Variants in PDE1A observed in about 807,000 individuals in gnomAD.
The protein encoded by PDE1A is phosphodiesterase 1A.
In PDE1A, 35 loss-of-function variants were observed where a neutral mutation model predicts 61.7. That is an observed-to-expected ratio of 0.57 (90% confidence interval 0.43 to 0.75). PDE1A has a LOEUF of 0.75. Ranked by LOEUF, PDE1A falls within the 30% of genes least tolerant of loss-of-function variation. PDE1A has a pLI of 0.00. For missense variants in PDE1A, 597 were observed against 630.6 expected (o/e 0.95, Z 0.57); for synonymous variants, 232 against 213.2 (o/e 1.09, Z -0.77).
the PDE1A span, among the ~76,000 whole-genome samples, chr2:182,620,745 C>T: frequency 1.3e-5 from 2 of 152,256 alleles, no homozygotes; most frequent in Admixed American, 1.3e-4. Flanking sequence ...TTTCTTTCCT[C>T]AAATTCAGTT....
At chr2:182,516,749 G>T (rs1027769947) in intron 2 of PDE1A, among the ~76,000 whole-genome samples, 1 of 135,680 alleles carries the variant, frequency 7.4e-6, no homozygotes, top group Non-Finnish European at 1.6e-5. Context: ...AGGAAAAAGA[G>T]AGAAAGAAAG....
At chr2:182,417,106 C>T (rs1260189598) in intron 1 of PDE1A, among the ~76,000 whole-genome samples, 1 of 152,224 alleles carries the variant, frequency 6.6e-6, no homozygotes, top group African/African-American at 2.4e-5. Flanking sequence ...CGCATCCCTT[C>T]GCATGCAGAT....
At chr2:182,157,857 T>A (rs1370587887) in intron 13 of PDE1A, among the ~76,000 whole-genome samples, 1 of 152,232 alleles carries the variant, frequency 6.6e-6, no homozygotes, top group African/African-American at 2.4e-5. Context: ...ATCTTTTAGC[T>A]TGAAGCCACC....
intron 13 of PDE1A, 92 bp downstream of exon 13, chr2:182,185,800 T>C (rs746557191): frequency 1.1e-5 from 17 of 1,581,866 alleles, no homozygotes; most frequent in East Asian, 2.3e-5. Flanking sequence ...ACATATTCTA[T>C]AGAAGAAGAA....
At chr2:182,467,797 C>T (rs1399861641) in intron 2 of PDE1A, among the ~76,000 whole-genome samples, 1 of 151,700 alleles carries the variant, frequency 6.6e-6, no homozygotes, top group African/African-American at 2.4e-5. Context: ...GAGAGAAAAC[C>T]ATAGATAGGC....
chr2:182,185,739 T>A, intron 13 of PDE1A, 153 bp downstream of exon 13: 1 of 1,417,910 alleles, frequency 7.1e-7, no homozygotes, highest in South Asian at 1.4e-5. Flanking sequence ...TGAGCCAACT[T>A]TCTCATGAAT....
the PDE1A span, among the ~76,000 whole-genome samples, chr2:182,613,649 TAAGTC>T: frequency 6.6e-6 from 1 of 152,204 alleles, no homozygotes; most frequent in African/African-American, 2.4e-5. Flanking sequence ...GGTAAAGTCT[TAAGTC>T]AATAAAAGAT....
the PDE1A span, among the ~76,000 whole-genome samples, chr2:182,715,799 T>A: frequency 6.6e-6 from 1 of 152,348 alleles, no homozygotes; most frequent in Non-Finnish European, 1.5e-5. Flanking sequence ...TTCAGTCCGC[T>A]AGCCTGATAC....
Position 182,319,276 on chromosome 2 carries a change from T to C in PDE1A, c.54-54862A>G, listed in dbSNP as rs117848564. On this transcript the variant is annotated intron_variant, in intron 1 of 13. Transcript: ENST00000351439. The stretch of plus-strand genomic sequence containing the variant: ...CTAAACATGTTCTGTCAGGTCTTTA[T>C]TGATGTTATTAAACCAACACTGTTA... 9.5e-4 allele frequency among the ~76,000 whole-genome samples: 144 copies of C among 152,282 alleles called. 3 individuals carry two copies. The East Asian group carries it at 0.024, about 26-fold the overall frequency.
chr2:182,334,019 G>C (rs1697608347), intron 1 of PDE1A, among the ~76,000 whole-genome samples: 1 of 151,976 alleles, frequency 6.6e-6, no homozygotes, highest in Non-Finnish European at 1.5e-5. Flanking sequence ...ACTATCCCAA[G>C]ACTAAATCAG....
chr2:182,336,363 C>A (rs1206996876), intron 1 of PDE1A, among the ~76,000 whole-genome samples: 1 of 152,072 alleles, frequency 6.6e-6, no homozygotes, highest in African/African-American at 2.4e-5. Context: ...GATTTGGAAG[C>A]AACCCAAATG....
intron 1 of PDE1A, among the ~76,000 whole-genome samples, chr2:182,380,608 A>G (rs1700679468): frequency 6.6e-6 from 1 of 152,220 alleles, no homozygotes; most frequent in Non-Finnish European, 1.5e-5. Context: ...CATTTTGCAA[A>G]AATTTGAAAT....
At chr2:182,336,960 C>CTTT (rs71008221) in intron 1 of PDE1A, among the ~76,000 whole-genome samples, 57 of 146,178 alleles carry the variant, frequency 3.9e-4, no homozygotes, top group African/African-American at 1.4e-3. Flanking sequence ...ACATGTATCC[C>CTTT]TTTTTTTTTT....
chr2:182,540,321 C>A, the PDE1A span, among the ~76,000 whole-genome samples: 20 of 149,218 alleles, frequency 1.3e-4, no homozygotes, highest in African/African-American at 3.5e-4. Context: ...CTGAGACATA[C>A]CACTGCACTC....
chr2:182,401,056 A>G (rs1574558687), intron 1 of PDE1A, among the ~76,000 whole-genome samples: 1 of 152,268 alleles, frequency 6.6e-6, no homozygotes, highest in South Asian at 2.1e-4. Flanking sequence ...CCTCCACTTA[A>G]GAAAATAAAG....
chr2:182,397,163 A>G (rs574573957), intron 1 of PDE1A, among the ~76,000 whole-genome samples: 5 of 152,276 alleles, frequency 3.3e-5, no homozygotes, highest in Admixed American at 3.3e-4. Flanking sequence ...TACATACAGT[A>G]TATTTTTAGG....
chr2:182,198,044 C>T (rs545596679), intron 10 of PDE1A, among the ~76,000 whole-genome samples: 5 of 151,956 alleles, frequency 3.3e-5, no homozygotes, highest in Admixed American at 1.3e-4. Flanking sequence ...ACATATCTCT[C>T]CATTTATATA....
intron 1 of PDE1A, among the ~76,000 whole-genome samples, chr2:182,323,259 A>T (rs2124857344): frequency 6.6e-6 from 1 of 152,312 alleles, no homozygotes; most frequent in East Asian, 1.9e-4. Context: ...ATTGTGGCTT[A>T]TTGTCAATGC....
chr2:182,208,342 T>C (rs1025132594), intron 7 of PDE1A, among the ~76,000 whole-genome samples: 11 of 152,156 alleles, frequency 7.2e-5, no homozygotes, highest in Non-Finnish European at 1.2e-4. Context: ...ACATCTTAAA[T>C]GGCAGCAGGA....
Sources: allele counts gnomAD v4.1 joint callset (sites outside exome capture counted in the v4.1 genomes callset), GRCh38; gene constraint gnomAD v4.1.1; transcripts MANE v1.5; gene names NCBI Gene and HGNC (gene_info 2026-07-23, HGNC 2026-07-21).